Variants in LOXHD1 observed in about 807,000 individuals in gnomAD.
LOXHD1 encodes lipoxygenase homology PLAT domains 1.
A neutral mutation model predicts 248.2 loss-of-function variants in LOXHD1; 205 were observed. The observed-to-expected ratio is 0.83, with a 90% CI of 0.74 to 0.93. The LOEUF (loss-of-function observed/expected upper bound fraction) is 0.93, where lower values mean the gene tolerates loss of function less well. Among genes scored for constraint, LOXHD1 ranks in the 40% least tolerant of loss-of-function variants. The pLI is 0.00. For missense variants in LOXHD1, 2,930 were observed against 2,971.6 expected, an observed-to-expected ratio of 0.99 and a Z score of 0.33; for synonymous variants, 1,113 against 1,162.8, an observed-to-expected ratio of 0.96 and a Z score of 0.87.
At chr18:46,609,011 C>T (rs929119346) in intron 6 of LOXHD1, among the ~76,000 whole-genome samples, 7 of 152,188 alleles carry the variant, frequency 4.6e-5, no homozygotes, top group Admixed American at 3.9e-4. Context: ...ACATATTTGG[C>T]CAGTGAAATG....
intron 37 of LOXHD1, among the ~76,000 whole-genome samples, chr18:46,492,556 G>A (rs540103872): frequency 3.9e-5 from 6 of 152,268 alleles, no homozygotes; most frequent in Non-Finnish European, 5.9e-5. Flanking sequence ...CCCTGGTCTC[G>A]CCTTTGACAC....
intron 21 of LOXHD1, among the ~76,000 whole-genome samples, chr18:46,556,512 C>T (rs920992324): frequency 6.6e-6 from 1 of 152,112 alleles, no homozygotes; most frequent in African/African-American, 2.4e-5. Flanking sequence ...AGGCAATGCC[C>T]ATCCAGCCTG....
At chr18:46,581,732 G>C (rs990661927) in intron 12 of LOXHD1, among the ~76,000 whole-genome samples, 2 of 152,150 alleles carry the variant, frequency 1.3e-5, no homozygotes, top group African/African-American at 4.8e-5. Flanking sequence ...AATTCAAAGA[G>C]ATCTACACCT....
At chr18:46,531,591 C>G (rs1216327576) in intron 28 of LOXHD1, among the ~76,000 whole-genome samples, 1 of 149,814 alleles carries the variant, frequency 6.7e-6, no homozygotes, top group Non-Finnish European at 1.5e-5. Flanking sequence ...TCTGCTTTCT[C>G]CAGTCCTCTG....
chr18:46,618,778 T>C (rs1044551132), intron 4 of LOXHD1, among the ~76,000 whole-genome samples: 8 of 152,198 alleles, frequency 5.3e-5, no homozygotes, highest in African/African-American at 1.9e-4. Context: ...AAAAATTCAC[T>C]GGGAAAACTG....
intron 8 of LOXHD1, among the ~76,000 whole-genome samples, chr18:46,597,108 G>A (rs1459007307): frequency 1.3e-5 from 2 of 152,202 alleles, no homozygotes; most frequent in South Asian, 2.1e-4. Context: ...AATTTAAAAT[G>A]GAGCTAAAAT....
chr18:46,538,120 T>C (rs1044680832), intron 26 of LOXHD1, 36 bp downstream of exon 26: 2 of 1,509,948 alleles, frequency 1.3e-6, no homozygotes, highest in Non-Finnish European at 8.9e-7. Context: ...CTGTCTGACC[T>C]ACTCCATCCC....
intron 37 of LOXHD1, among the ~76,000 whole-genome samples, chr18:46,493,459 C>T (rs1261723291): frequency 6.6e-6 from 1 of 152,190 alleles, no homozygotes; most frequent in Non-Finnish European, 1.5e-5. Context: ...CCTTTTGTAA[C>T]CTATCCACCT....
At chr18:46,649,470 GC>G (rs1380068219) in intron 1 of LOXHD1, among the ~76,000 whole-genome samples, 13 of 152,198 alleles carry the variant, frequency 8.5e-5, no homozygotes, top group Admixed American at 6.5e-5. Flanking sequence ...TTTAAACCAT[GC>G]ACTCGTTTTG....
At chr18:46,616,328 T>C (rs1283685783) in intron 5 of LOXHD1, among the ~76,000 whole-genome samples, 3 of 152,178 alleles carry the variant, frequency 2.0e-5, no homozygotes, top group Admixed American at 2.0e-4. Flanking sequence ...TTGATATGCA[T>C]ACTTATTAAA....
chr18:46,538,703 C>T (rs897096205), intron 25 of LOXHD1, among the ~76,000 whole-genome samples: 8 of 152,190 alleles, frequency 5.3e-5, no homozygotes, highest in Non-Finnish European at 1.0e-4. Context: ...TAATTCTGAG[C>T]CTCAGTGTCC....
At chr18:46,631,321 C>T (rs1190929813) in intron 4 of LOXHD1, among the ~76,000 whole-genome samples, 31 of 152,200 alleles carry the variant, frequency 2.0e-4, no homozygotes, top group Non-Finnish European at 1.5e-5. Context: ...CCCCCCACCA[C>T]CATCAGTCTT....
At chr18:46,550,442 G>A (rs1263649218) in intron 21 of LOXHD1, among the ~76,000 whole-genome samples, 8 of 151,278 alleles carry the variant, frequency 5.3e-5, no homozygotes, top group Non-Finnish European at 7.4e-5. Flanking sequence ...GCGCGGTGGC[G>A]GGCGCCTGTA....
chr18:46,567,606 G>A (rs1009723100), intron 16 of LOXHD1, among the ~76,000 whole-genome samples: 1 of 152,152 alleles, frequency 6.6e-6, no homozygotes, highest in Non-Finnish European at 1.5e-5. Context: ...GCTCCCTAAG[G>A]GCAGACACTA....
Position 46,593,651 on chromosome 18 carries a change from G to C in LOXHD1, c.1380C>G (p.Leu460=), listed in dbSNP as rs750264813. Residue 460 remains leucine (L), a synonymous_variant, in exon 10 of 41, where the codon CTC becomes CTG. Coordinates refer to ENST00000642948, the MANE Select transcript of LOXHD1 (RefSeq NM_001384474.1). ...TGAACCACTTGTTGTTGGGATTCAG[G>C]AGAATCTCATCTGTCCGCCCCTTCT... is the stretch of plus-strand genomic sequence containing the variant. ...YGQKGRTDEI[L]LNPNNKWFKP... The C allele has an allele frequency of 6.4e-7, 1 of 1,552,276 alleles. No homozygotes were observed. The highest frequency in any genetic ancestry group is 8.7e-7 in the Non-Finnish European group (1 of 1,147,108).
At chr18:46,501,549 AT>A (rs2034233743) in intron 37 of LOXHD1, among the ~76,000 whole-genome samples, 1 of 152,230 alleles carries the variant, frequency 6.6e-6, no homozygotes, top group South Asian at 2.1e-4. Flanking sequence ...GCTGTTGGTC[AT>A]GAGTTAAATG....
At chr18:46,571,588 A>G (rs1044338192) in intron 15 of LOXHD1, among the ~76,000 whole-genome samples, 5 of 152,236 alleles carry the variant, frequency 3.3e-5, no homozygotes, top group Admixed American at 3.3e-4. Flanking sequence ...GCAGAGCTCA[A>G]ATGAGATAAT....
Position 46,522,328 on chromosome 18 carries a change from C to T in LOXHD1, c.4877-19G>A, listed in dbSNP as rs2035620420. The T allele has an allele frequency of 1.3e-6, 2 of 1,548,126 alleles. No homozygotes were observed. Among genetic ancestry groups the T allele is most frequent in the Non-Finnish European group, 1.7e-6 (2 of 1,144,060 alleles). ...GGAATAACTGCAAGAGATCACGGGG[C>T]TCAGGTTCATAACAGACCAGATAGA... On this transcript the variant is annotated intron_variant, in intron 31 of 40. Coordinates refer to ENST00000642948, the MANE Select transcript of LOXHD1 (RefSeq NM_001384474.1).
intron 37 of LOXHD1, among the ~76,000 whole-genome samples, chr18:46,496,313 AAAAG>A (rs1301458320): frequency 2.6e-5 from 4 of 152,230 alleles, no homozygotes; most frequent in Admixed American, 6.5e-5. Context: ...TTTTCACTAA[AAAAG>A]AAATATTGAA....
Sources: allele counts gnomAD v4.1 joint callset (sites outside exome capture counted in the v4.1 genomes callset), GRCh38; gene constraint gnomAD v4.1.1; transcripts MANE v1.5; gene names NCBI Gene and HGNC (gene_info 2026-07-23, HGNC 2026-07-21).